Variants in RDH11 observed in about 807,000 individuals in gnomAD.
RDH11 encodes the protein HCV core-binding protein HCBP12.
In RDH11, 19 loss-of-function variants were observed where a neutral mutation model predicts 33.4. The ratio of observed to expected loss-of-function variants is 0.57; its 90% CI spans 0.40 to 0.83. The LOEUF (loss-of-function observed/expected upper bound fraction) is 0.83. Ranked by LOEUF, RDH11 falls within the 40% of genes least tolerant of loss-of-function variation. The pLI is 0.00. For synonymous variants in RDH11, 154 were observed against 155.3 expected, an observed-to-expected ratio of 0.99 and a Z score of 0.06; for missense variants, 353 against 389.0, an observed-to-expected ratio of 0.91 and a Z score of 0.78.
intron 5 of RDH11, among the ~76,000 whole-genome samples, chr14:67,685,782 AT>A (rs1180414696): frequency 6.6e-6 from 1 of 151,748 alleles, no homozygotes; most frequent in African/African-American, 2.4e-5. Context: ...CACCAGGCTA[AT>A]TTTTGTATTT....
intron 6 of RDH11, among the ~76,000 whole-genome samples, chr14:67,681,523 C>T (rs903225811): frequency 1.3e-5 from 2 of 152,168 alleles, no homozygotes; most frequent in African/African-American, 4.8e-5. Context: ...TGGCTCATGC[C>T]TATAATCCCA....
chr14:67,677,629 A>G lies in RDH11; in HGVS notation c.*692T>C, dbSNP rs1011136541. On this transcript the variant is annotated 3_prime_UTR_variant, in exon 7 of 7. Coordinates refer to ENST00000381346, the MANE Select transcript of RDH11 (RefSeq NM_016026.4). ...GCTCTTGGTGGGTAGTTACCAACAT[A>G]TACAGAATCTGCTTCCCTTTGCAGC... 2 of 151,834 alleles carry G rather than the reference A, an allele frequency of 1.3e-5. No homozygotes were observed. The highest frequency in any genetic ancestry group is 4.8e-5 in the African/African-American group (2 of 41,328). 9.4% of individuals were successfully genotyped at this position (151,834 alleles called of 1,614,324 possible). A position where few individuals can be genotyped will look rare whatever the true frequency, so the allele number is the denominator to read the frequency against.
chr14:67,689,878 A>G (rs1321187969), intron 5 of RDH11, among the ~76,000 whole-genome samples: 1 of 152,016 alleles, frequency 6.6e-6, no homozygotes, highest in African/African-American at 2.4e-5. Flanking sequence ...TGGGAAGTGG[A>G]GGTCGGCAGT....
chr14:67,685,008 T>C lies in RDH11; in HGVS notation c.854+7A>G. The C allele has an allele frequency of 6.2e-7, 1 of 1,602,502 alleles. No individual in the cohort carries two copies. Among genetic ancestry groups the C allele is most frequent in the South Asian group, 1.1e-5 (1 of 89,108 alleles). On this transcript the variant is annotated splice_region_variant and intron_variant, in intron 6 of 6. Coordinates refer to ENST00000381346, the MANE Select transcript of RDH11 (RefSeq NM_016026.4). ...ATCTCATCTGCAAAAAGAGATAACA[T>C]TCATACCTGAAATGATTCCCACTTA...
rs112072055 is a variant in RDH11, at chr14:67,691,403, C to G, written c.350-159G>C. ...TTTTCTATTGTTTTTCATTTTAAGA[C>G]TTTAGTTGAATCCCACCTACTTTTA... On this transcript the variant is annotated intron_variant, in intron 3 of 6. Transcript: ENST00000381346. The G allele has an allele frequency of 3.0e-4, 173 of 580,098 alleles. 2 individuals are homozygous for G. Among genetic ancestry groups the G allele is most frequent in the African/African-American group, 2.7e-3 (146 of 53,508 alleles). 35.9% of individuals were successfully genotyped at this position (580,098 alleles called of 1,614,324 possible). A position where few individuals can be genotyped will look rare whatever the true frequency, so the allele number is the denominator to read the frequency against.
chr14:67,695,659 G>C lies in RDH11; in HGVS notation c.45C>G (p.Phe15Leu), dbSNP rs564972121. ...TTTGGGGCGCAGCCATATACAGAAGGAAGGGCAGAAGGAGGAGCAACAGCG... is the reference window on the plus strand; with the variant it reads ...TTTGGGGCGCAGCCATATACAGAAGCAAGGGCAGAAGGAGGAGCAACAGCG... ...MFPLLLLLLPFLLYMAAPQIR... is the reference protein window; with the variant it reads ...MFPLLLLLLPLLLYMAAPQIR... Residue 15 changes from phenylalanine (F) to leucine (L), a missense_variant, in exon 1 of 7, where the codon TTC becomes TTG. By Grantham distance (22) the Phe-to-Leu change is conservative (BLOSUM62 0). Transcript: ENST00000381346. 4.1e-5 allele frequency: 66 copies of C among 1,614,194 alleles called. 1 individual carries two copies. In the South Asian group the frequency reaches 7.2e-4, roughly 18 times the overall value.
chr14:67,692,162 C>A lies in RDH11; in HGVS notation c.349+276G>T, dbSNP rs578094769. The A allele has an allele frequency of 2.1e-4, 70 of 335,846 alleles. No individual in the cohort carries two copies. The East Asian group carries it at 2.5e-3, about 12-fold the overall frequency. 20.8% of individuals were successfully genotyped at this position (335,846 alleles called of 1,614,324 possible). A position where few individuals can be genotyped will look rare whatever the true frequency, so the allele number is the denominator to read the frequency against. ...CTGTGTAAGTATTTAGACCCCAGAC[C>A]CTAAAAAGCCTGTACTGAGTGCTGA... On this transcript the variant is annotated intron_variant, in intron 3 of 6. Transcript: ENST00000381346.
chr14:67,694,726 G>A (rs761396882), intron 1 of RDH11, among the ~76,000 whole-genome samples: 14 of 151,990 alleles, frequency 9.2e-5, no homozygotes, highest in South Asian at 4.1e-4. Flanking sequence ...ACTGGAAGAG[G>A]GGCACCAGAG....
chr14:67,692,331 A>G (rs2037760044), intron 3 of RDH11, 107 bp downstream of exon 3: 1 of 1,210,728 alleles, frequency 8.3e-7, no homozygotes, highest in Non-Finnish European at 1.2e-6. Flanking sequence ...GTTTTTGGCT[A>G]TATTTTATCC....
chr14:67,690,336 A>G lies in RDH11; in HGVS notation c.540T>C (p.His180=). ...TATGGAAGTGGATCCTTCCCAGGTG[A>G]TGTGCGAGGGAAGACACATTTACTA... ...SRIVNVSSLA[H]HLGRIHFHNL... The change falls in exon 5 of 7, where the codon CAT becomes CAC. Residue 180 remains histidine (H), a synonymous_variant. Coordinates refer to ENST00000381346, the MANE Select transcript of RDH11 (RefSeq NM_016026.4). The G allele has an allele frequency of 6.2e-7, 1 of 1,614,064 alleles. No homozygotes were observed. The highest frequency in any genetic ancestry group is 8.5e-7 in the Non-Finnish European group (1 of 1,179,962).
At chr14:67,691,298 T>C in intron 3 of RDH11, 54 bp from the exon 4 acceptor site, 2 of 1,240,382 alleles carry the variant, frequency 1.6e-6, no homozygotes, top group South Asian at 2.4e-5. Flanking sequence ...CTATTACATC[T>C]TAGAAAGCTG....
At chr14:67,693,468 CAA>C (rs1566831010) in intron 1 of RDH11, among the ~76,000 whole-genome samples, 1 of 150,908 alleles carries the variant, frequency 6.6e-6, no homozygotes, top group African/African-American at 2.4e-5. Context: ...TAATCCAATA[CAA>C]AAAGTTAAAA....
At chr14:67,685,770 C>T (rs1353110170) in intron 5 of RDH11, among the ~76,000 whole-genome samples, 2 of 152,098 alleles carry the variant, frequency 1.3e-5, no homozygotes, top group Non-Finnish European at 2.9e-5. Flanking sequence ...GGTGCGCCAC[C>T]ACACCAGGCT....
intron 5 of RDH11, 110 bp downstream of exon 5, chr14:67,690,102 C>A: frequency 1.1e-6 from 1 of 878,116 alleles, no homozygotes; most frequent in Non-Finnish European, 1.8e-6. Context: ...ATTATAGCCA[C>A]GGAAGCAGGT....
At position 67,690,411 on chromosome 14, in the gene RDH11, G is replaced by C; in HGVS notation, c.465C>G (p.Leu155=). Residue 155 remains leucine (L), a synonymous_variant, in exon 5 of 7, where the codon CTC becomes CTG. Transcript: ENST00000381346. ...HIGVNHLGHF[L]LTHLLLEKLK... ...GTTTCTCTAGCAGCAGATGGGTTAG[G>C]AGGAAGTGACCTGTTGAGAAATACT... The C allele has an allele frequency of 6.2e-7, 1 of 1,614,122 alleles. No homozygotes were observed. The highest frequency in any genetic ancestry group is 8.5e-7 in the Non-Finnish European group (1 of 1,179,952).
chr14:67,678,121 G>A lies in RDH11; in HGVS notation c.*200C>T. On this transcript the variant is annotated 3_prime_UTR_variant, in exon 7 of 7. Coordinates refer to ENST00000381346, the MANE Select transcript of RDH11 (RefSeq NM_016026.4). ...TCTAGTAACTCTGGCAGTAACAGAA[G>A]CAAAGTAAATCTGGACATGACAGAC... 2.0e-6 allele frequency: 1 copy of A among 512,408 alleles called. No individual in the cohort carries two copies. The highest frequency in any genetic ancestry group is 3.5e-6 in the Non-Finnish European group (1 of 282,966). 31.7% of individuals were successfully genotyped at this position (512,408 alleles called of 1,614,324 possible).
intron 6 of RDH11, among the ~76,000 whole-genome samples, chr14:67,683,770 T>C (rs1333337185): frequency 1.3e-5 from 2 of 152,226 alleles, no homozygotes; most frequent in Admixed American, 1.3e-4. Context: ...CTTCTTAGCC[T>C]GGCTCTTCAG....
intron 5 of RDH11, among the ~76,000 whole-genome samples, chr14:67,687,314 G>A (rs1313819473): frequency 6.6e-6 from 1 of 152,044 alleles, no homozygotes; most frequent in Non-Finnish European, 1.5e-5. Flanking sequence ...CTAAGGGTTT[G>A]GCATCTACCT....
intron 4 of RDH11, 78 bp from the exon 5 acceptor site, chr14:67,690,499 A>G (rs1318098637): frequency 8.7e-7 from 1 of 1,150,814 alleles, no homozygotes; most frequent in Non-Finnish European, 1.3e-6. Context: ...GGCCTCACCT[A>G]TGGGAGGCAG....
Sources: allele counts gnomAD v4.1 joint callset (sites outside exome capture counted in the v4.1 genomes callset), GRCh38; gene constraint gnomAD v4.1.1; transcripts MANE v1.5; gene names NCBI Gene and HGNC (gene_info 2026-07-23, HGNC 2026-07-21).